Variants in DNMBP observed in about 807,000 individuals in gnomAD.
The protein encoded by DNMBP is dynamin binding protein, also known as dynamin-binding protein.
Under a neutral mutation model 150.0 loss-of-function variants are expected in DNMBP, and 87 were observed. The observed-to-expected ratio is 0.58, with a 90% CI of 0.49 to 0.69. DNMBP has a LOEUF of 0.69. Among genes scored for constraint, DNMBP ranks in the 30% least tolerant of loss-of-function variants. DNMBP has a pLI of 0.00. For missense variants in DNMBP, 1,774 were observed against 1,949.0 expected (o/e 0.91, Z 1.69); for synonymous variants, 711 against 750.4 (o/e 0.95, Z 0.86).
chr10:99,969,071 A>C, intron 3 of DNMBP, 44 bp downstream of exon 3: 3 of 1,606,670 alleles, frequency 1.9e-6, no homozygotes, highest in Non-Finnish European at 2.6e-6. Context: ...GGCAGACTCC[A>C]AAAATCTAAT....
chr10:99,884,282 G>C, intron 14 of DNMBP, 73 bp from the exon 15 acceptor site: 2 of 1,366,100 alleles, frequency 1.5e-6, no homozygotes, highest in Non-Finnish European at 2.0e-6. Context: ...CCCAACATGT[G>C]GCCAGTCTCA....
chr10:99,891,906 G>A (rs181633431), intron 11 of DNMBP, among the ~76,000 whole-genome samples: 1,818 of 145,186 alleles, frequency 0.013, 28 homozygotes, highest in Middle Eastern at 0.048. Flanking sequence ...CGCCCCGTCC[G>A]GGAGGGAGGT....
chr10:99,984,489 G>A (rs2040810594), intron 1 of DNMBP, among the ~76,000 whole-genome samples: 1 of 152,186 alleles, frequency 6.6e-6, no homozygotes, highest in Admixed American at 6.6e-5. Context: ...ACTATAAAGT[G>A]AAACTTTAGG....
At position 99,988,446 on chromosome 10, in the gene DNMBP, A is replaced by G. The variant is rs2040851362; in HGVS notation, c.-10-16312T>C. On this transcript the variant is annotated intron_variant, in intron 1 of 16. Transcript: ENST00000324109. ...AATGATACCTAAAATTAAGTTTTCC[A>G]ATAGCCAGGTAGAGGGGAGCTTAGA... 2.0e-5 allele frequency among the ~76,000 whole-genome samples: 3 copies of G among 152,278 alleles called. No homozygotes were observed. The South Asian group carries it at 6.2e-4, about 32-fold the overall frequency.
intron 1 of DNMBP, among the ~76,000 whole-genome samples, chr10:100,001,429 T>TTTG (rs1564760409): frequency 2.8e-5 from 4 of 144,390 alleles, no homozygotes; most frequent in African/African-American, 7.8e-5. Flanking sequence ...TTTTTTTTTT[T>TTTG]GAGACAGGGT....
chr10:99,925,527 C>T (rs10883426), intron 4 of DNMBP, among the ~76,000 whole-genome samples: 70,273 of 151,790 alleles, frequency 0.46, 16,539 homozygotes, highest in African/African-American at 0.52. Flanking sequence ...GCGATTCTCC[C>T]GCCTCAGCCT....
At chr10:99,953,166 G>A (rs879509862) in intron 4 of DNMBP, among the ~76,000 whole-genome samples, 1 of 152,180 alleles carries the variant, frequency 6.6e-6, no homozygotes, top group Non-Finnish European at 1.5e-5. Flanking sequence ...AATTTTCAGT[G>A]TGCCAGTATA....
At chr10:99,916,821 A>G (rs2039969806) in intron 4 of DNMBP, among the ~76,000 whole-genome samples, 1 of 152,152 alleles carries the variant, frequency 6.6e-6, no homozygotes, top group Non-Finnish European at 1.5e-5. Flanking sequence ...AGCAACCTAA[A>G]CAGAAAGAAC....
chr10:99,876,926 T>C lies in DNMBP; in HGVS notation c.*225A>G. On this transcript the variant is annotated 3_prime_UTR_variant, in exon 17 of 17. Coordinates refer to ENST00000324109, the MANE Select transcript of DNMBP (RefSeq NM_015221.4). ...CTCTCTTCTCATAGTCACTAAGTCA[T>C]TTGCAAAGCCCCAGGGTCCATTTCA... 2.2e-6 allele frequency: 1 copy of C among 450,542 alleles called. No individual in the cohort carries two copies. The highest frequency in any genetic ancestry group is 4.3e-5 in the Admixed American group (1 of 23,442). 27.9% of individuals were successfully genotyped at this position (450,542 alleles called of 1,614,324 possible). A position where few individuals can be genotyped will look rare whatever the true frequency, so the allele number is the denominator to read the frequency against.
chr10:100,006,522 CCA>C (rs1409427248), intron 1 of DNMBP, among the ~76,000 whole-genome samples: 1 of 152,154 alleles, frequency 6.6e-6, no homozygotes. Context: ...TATTCTCAAC[CCA>C]GCAGCCAGTT....
intron 1 of DNMBP, among the ~76,000 whole-genome samples, chr10:99,991,799 G>A (rs1251156590): frequency 1.3e-5 from 2 of 151,676 alleles, no homozygotes; most frequent in Admixed American, 6.6e-5. Flanking sequence ...CCAGCTACTC[G>A]GGAGGCTGAG....
Position 99,960,200 on chromosome 10 carries a change from A to T in DNMBP, c.269-2995T>A, listed in dbSNP as rs188997039. On this transcript the variant is annotated intron_variant, in intron 3 of 16. Coordinates refer to ENST00000324109, the MANE Select transcript of DNMBP (RefSeq NM_015221.4). ...TATATGATTTATGATTTAATTTTGAAAAAATTACTCTAATTTTATCAACTG... is the reference window on the plus strand; with the variant it reads ...TATATGATTTATGATTTAATTTTGATAAAATTACTCTAATTTTATCAACTG... Among the ~76,000 whole-genome samples, 1,003 of 152,344 alleles carry T rather than the reference A, an allele frequency of 6.6e-3. 7 individuals carry two copies. Among genetic ancestry groups the T allele is most frequent in the African/African-American group, 0.022 (912 of 41,582 alleles).
intron 1 of DNMBP, among the ~76,000 whole-genome samples, chr10:100,003,760 T>C (rs2041040351): frequency 6.6e-6 from 1 of 150,782 alleles, no homozygotes; most frequent in African/African-American, 2.4e-5. Context: ...TGCAGTGAGC[T>C]ATCATCGCAC....
intron 1 of DNMBP, among the ~76,000 whole-genome samples, chr10:100,006,662 C>T (rs1471338724): frequency 6.6e-6 from 1 of 152,046 alleles, no homozygotes; most frequent in Non-Finnish European, 1.5e-5. Context: ...CACTCCCACC[C>T]CCTCTCATCT....
intron 4 of DNMBP, among the ~76,000 whole-genome samples, chr10:99,911,234 G>A (rs1467339058): frequency 6.6e-6 from 1 of 151,792 alleles, no homozygotes; most frequent in Non-Finnish European, 1.5e-5. Flanking sequence ...AAAAAATCTG[G>A]CCAGGTGCAG....
Position 99,957,071 on chromosome 10 carries a change from A to G in DNMBP, c.403T>C (p.Ser135Pro). 6.2e-7 allele frequency: 1 copy of G among 1,614,184 alleles called. No homozygotes were observed. The highest frequency in any genetic ancestry group is 8.5e-7 in the Non-Finnish European group (1 of 1,180,026). ...GGAATCTGAAACAGGGCGCTCTGGG[A>G]GTGCCACTGCCGGCTCTGTGAGGAG... ...CLSSQSRQWH[S>P]QSALFQIPEY... The change falls in exon 4 of 17, where the codon TCC becomes CCC. Residue 135 changes from serine (S) to proline (P), a missense_variant. Around this residue, in one of 2 missense-constraint regions of DNMBP, gnomAD observed 344 missense variants for 456.6 expected, o/e 0.75. Coordinates refer to ENST00000324109, the MANE Select transcript of DNMBP (RefSeq NM_015221.4).
chr10:99,903,121 T>G (rs1256596844), intron 6 of DNMBP, among the ~76,000 whole-genome samples: 3 of 124,290 alleles, frequency 2.4e-5, no homozygotes, highest in Admixed American at 8.2e-5. Flanking sequence ...TTTTTTTTTT[T>G]GTAGAAACGA....
In DNMBP at chr10:99,876,097, T is replaced by G. The variant is rs1590202855; in HGVS notation, c.*1054A>C. ...CTAAACAGTCATTAGGGTGCTTGGA[T>G]GAAGAAGAAAGACATCCAGTCTTCC... On this transcript the variant is annotated 3_prime_UTR_variant, in exon 17 of 17. Coordinates refer to ENST00000324109, the MANE Select transcript of DNMBP (RefSeq NM_015221.4). 6.6e-6 allele frequency: 1 copy of G among 152,344 alleles called. No individual in the cohort carries two copies. Among genetic ancestry groups the G allele is most frequent in the South Asian group, 2.1e-4 (1 of 4,826 alleles). The allele number at this position is 152,344 out of a possible 1,614,324, so 9.4% of individuals were successfully genotyped here. A position where few individuals can be genotyped will look rare whatever the true frequency, so the allele number is the denominator to read the frequency against.
intron 4 of DNMBP, among the ~76,000 whole-genome samples, chr10:99,954,079 C>G (rs2040454395): frequency 6.6e-6 from 1 of 152,010 alleles, no homozygotes; most frequent in Non-Finnish European, 1.5e-5. Flanking sequence ...GTTGCCCAAG[C>G]TGGAGAGCAG....
Sources: gnomAD v4.1 joint callset for allele counts (sites outside exome capture counted in the v4.1 genomes callset) on GRCh38, gnomAD v4.1.1 for gene constraint, gnomAD v4.1.1 regional missense constraint, MANE v1.5 for transcripts, NCBI Gene and HGNC (gene_info 2026-07-23, HGNC 2026-07-21) for gene names.